The following SMAD3 variants were observed in gnomAD, a reference collection of about 807,000 sequenced individuals.
SMAD3 encodes the protein MAD homolog 3.
In SMAD3, 12 loss-of-function variants were observed where a neutral mutation model predicts 51.8. The ratio of observed to expected loss-of-function variants is 0.23; its 90% confidence interval spans 0.15 to 0.38. SMAD3 has a LOEUF of 0.38. Among genes scored for constraint, SMAD3 ranks in the 10% least tolerant of loss-of-function variants. SMAD3 has a pLI of 1.00. For synonymous variants in SMAD3, 238 were observed against 227.7 expected (o/e 1.05, Z -0.41); for missense variants, 294 against 565.6 (o/e 0.52, Z 4.87).
intron 1 of SMAD3, among the ~76,000 whole-genome samples, chr15:67,071,894 C>A (rs1301416192): frequency 6.6e-6 from 1 of 152,174 alleles, no homozygotes; most frequent in African/African-American, 2.4e-5. Flanking sequence ...GACCTAGCTT[C>A]TCATTTCTCT....
At chr15:67,133,949 GC>G (rs1175505748) in intron 1 of SMAD3, among the ~76,000 whole-genome samples, 1 of 151,988 alleles carries the variant, frequency 6.6e-6, no homozygotes, top group Non-Finnish European at 1.5e-5. Context: ...AGCTGCCACT[GC>G]CCCCCTCTCT....
At chr15:67,098,341 AGGGAGG>A (rs1244720204) in intron 1 of SMAD3, among the ~76,000 whole-genome samples, 102 of 60,676 alleles carry the variant, frequency 1.7e-3, no homozygotes, top group Non-Finnish European at 4.6e-4. Context: ...GGAGGGAGGG[AGGGAGG>A]GAGAGAGCGA....
At position 67,165,039 on chromosome 15, in the gene SMAD3, G is replaced by A. The variant is rs2140294170; in HGVS notation, c.351G>A (p.Lys117=). 2 of 1,614,174 alleles carry A rather than the reference G, an allele frequency of 1.2e-6. No homozygotes were observed. Among genetic ancestry groups the A allele is most frequent in the Non-Finnish European group, 1.7e-6 (2 of 1,180,038 alleles). Residue 117 remains lysine (K), a synonymous_variant, in exon 2 of 9, where the codon AAG becomes AAA. Coordinates refer to ENST00000327367, the MANE Select transcript of SMAD3 (RefSeq NM_005902.4). ...GTGAGTTCGCCTTCAATATGAAGAAGGACGAGGTCTGCGTGAATCCCTACC... is the reference window on the plus strand; with the variant it reads ...GTGAGTTCGCCTTCAATATGAAGAAAGACGAGGTCTGCGTGAATCCCTACC... ...ELCEFAFNMK[K]DEVCVNPYHY...
At chr15:67,119,427 C>T (rs1374990439) in intron 1 of SMAD3, among the ~76,000 whole-genome samples, 1 of 151,618 alleles carries the variant, frequency 6.6e-6, no homozygotes, top group Non-Finnish European at 1.5e-5. Flanking sequence ...TTATTCTTGC[C>T]ACACAGCTGT....
rs867923325 is a variant in SMAD3 at position 67,086,742 on chromosome 15, A to G, written c.206+20382A>G. Among the ~76,000 whole-genome samples the G allele has an allele frequency of 5.9e-5, 9 of 152,280 alleles. 2 individuals are homozygous for G. In the Middle Eastern group the frequency reaches 0.027, roughly 460 times the overall value. The stretch of plus-strand genomic sequence containing the variant: ...CCCTCAGGAACTATAGTGTCACGTG[A>G]TAGCAGTGAAGACCTTCTATGTCCT... On this transcript the variant is annotated intron_variant, in intron 1 of 8. Coordinates refer to ENST00000327367, the MANE Select transcript of SMAD3 (RefSeq NM_005902.4).
At chr15:67,134,123 G>A (rs1595919555) in intron 1 of SMAD3, among the ~76,000 whole-genome samples, 2 of 152,098 alleles carry the variant, frequency 1.3e-5, no homozygotes, top group African/African-American at 4.8e-5. Flanking sequence ...GGTGCTTACC[G>A]AGTGCCACAG....
intron 1 of SMAD3, chr15:67,138,349 C>G (rs1961723963): frequency 2.1e-6 from 1 of 471,952 alleles, no homozygotes; most frequent in Non-Finnish European, 3.9e-6. Context: ...CCTGAACCCC[C>G]CCTCCCCCGG....
At chr15:67,107,344 G>A (rs549194881) in intron 1 of SMAD3, among the ~76,000 whole-genome samples, 67 of 152,094 alleles carry the variant, frequency 4.4e-4, no homozygotes, top group African/African-American at 1.5e-3. Context: ...TCAGAGCCTC[G>A]AAATCTTCCC....
At chr15:67,106,672 T>C (rs1196529094) in intron 1 of SMAD3, among the ~76,000 whole-genome samples, 3 of 152,182 alleles carry the variant, frequency 2.0e-5, no homozygotes, top group East Asian at 3.9e-4. Context: ...GTACATCATA[T>C]GTGGAGGACA....
chr15:67,071,469 G>A (rs1306635872), intron 1 of SMAD3, among the ~76,000 whole-genome samples: 1 of 152,092 alleles, frequency 6.6e-6, no homozygotes, highest in Non-Finnish European at 1.5e-5. Flanking sequence ...GTGGGAACAG[G>A]GACTTTAGAT....
At chr15:67,099,796 C>A (rs1960708164) in intron 1 of SMAD3, among the ~76,000 whole-genome samples, 1 of 152,166 alleles carries the variant, frequency 6.6e-6, no homozygotes, top group Non-Finnish European at 1.5e-5. Flanking sequence ...TTAATTGTTG[C>A]TAATAATAGT....
chr15:67,186,931 T>C, intron 7 of SMAD3: 1 of 378,026 alleles, frequency 2.6e-6, no homozygotes, highest in Non-Finnish European at 5.3e-6. Context: ...CCAGAGCTCC[T>C]GTTCCTAGGT....
intron 1 of SMAD3, among the ~76,000 whole-genome samples, chr15:67,148,742 C>T (rs1449862981): frequency 6.6e-6 from 1 of 152,226 alleles, no homozygotes; most frequent in East Asian, 1.9e-4. Context: ...GTTCACAAGG[C>T]TGGTGGGCAG....
chr15:67,096,699 C>T (rs1213252902), intron 1 of SMAD3, among the ~76,000 whole-genome samples: 1 of 151,900 alleles, frequency 6.6e-6, no homozygotes, highest in Non-Finnish European at 1.5e-5. Flanking sequence ...CACTGGGCCC[C>T]ACAAATTATG....
At chr15:67,147,911 T>C (rs1566984620) in intron 1 of SMAD3, among the ~76,000 whole-genome samples, 1 of 152,242 alleles carries the variant, frequency 6.6e-6, no homozygotes, top group East Asian at 1.9e-4. Context: ...ACTTGGCTTT[T>C]GTGTTTGCTT....
intron 1 of SMAD3, among the ~76,000 whole-genome samples, chr15:67,101,362 T>A (rs1960752126): frequency 6.6e-6 from 1 of 152,230 alleles, no homozygotes; most frequent in Non-Finnish European, 1.5e-5. Flanking sequence ...AACTGTAGCT[T>A]ATAGTAATAT....
intron 1 of SMAD3, among the ~76,000 whole-genome samples, chr15:67,149,791 G>T (rs1962079798): frequency 6.6e-6 from 1 of 152,212 alleles, no homozygotes; most frequent in Admixed American, 6.5e-5. Context: ...GATGGAAACT[G>T]CTTATATAAG....
chr15:67,182,006 C>T lies in SMAD3; in HGVS notation c.871+553C>T, dbSNP rs367619422. ...TTCTCCATGTTGGCCAGGCTGGTCT[C>T]GAACTCCTGACCTCAGGTGATCCAC... On this transcript the variant is annotated intron_variant, in intron 6 of 8. Coordinates refer to ENST00000327367, the MANE Select transcript of SMAD3 (RefSeq NM_005902.4). Among the ~76,000 whole-genome samples, 8 of 152,062 alleles carry T rather than the reference C, an allele frequency of 5.3e-5. No individual in the cohort carries two copies. The East Asian group carries it at 5.8e-4, about 11-fold the overall frequency.
intron 1 of SMAD3, among the ~76,000 whole-genome samples, chr15:67,145,386 G>C (rs1408832515): frequency 6.6e-6 from 1 of 152,212 alleles, no homozygotes; most frequent in Non-Finnish European, 1.5e-5. Flanking sequence ...ACCTGGGAAA[G>C]AGATTGTTAA....
Sources: gnomAD v4.1 joint callset for allele counts (sites outside exome capture counted in the v4.1 genomes callset) on GRCh38, gnomAD v4.1.1 for gene constraint, MANE v1.5 for transcripts, NCBI Gene and HGNC (gene_info 2026-07-23, HGNC 2026-07-21) for gene names.